ZNF562: variants seen among roughly 807,000 people sequenced by gnomAD.
ZNF562 encodes the protein zinc finger protein 562.
In ZNF562, 13 loss-of-function variants were observed where a neutral mutation model predicts 17.5. The observed-to-expected ratio is 0.74, with a 90% CI of 0.48 to 1.18. The LOEUF is 1.18. Ranked by LOEUF, ZNF562 falls within the 50% of genes most tolerant of loss-of-function variation. ZNF562 has a pLI of 0.00. For synonymous variants in ZNF562, 163 were observed against 165.4 expected, an observed-to-expected ratio of 0.99 and a Z score of 0.11; for missense variants, 481 against 498.5, an observed-to-expected ratio of 0.96 and a Z score of 0.33.
At position 9,653,855 on chromosome 19, in the gene ZNF562, T is replaced by A; in HGVS notation, c.375A>T (p.Lys125Asn). 1 of 1,592,000 alleles carries A rather than the reference T, an allele frequency of 6.3e-7. No individual in the cohort carries two copies. The highest frequency in any genetic ancestry group is 8.6e-7 in the Non-Finnish European group (1 of 1,169,576). ...AGACCTCTCCACAATTCTCACAGAG[T>A]TTCCATCCACTGTAGCTTCTTGTCT... ...QMQTRSYSGW[K>N]LCENCGEVFS... The change falls in exon 6 of 6, where the codon AAA becomes AAT. Residue 125 changes from lysine to asparagine, a missense_variant. This residue lies in a region of ZNF562 where 403 missense variants were observed against 386.4 expected (regional missense o/e 1.04). Transcript: ENST00000453372.
intron 2 of ZNF562, among the ~76,000 whole-genome samples, chr19:9,660,355 G>A (rs1466920384): frequency 1.3e-5 from 2 of 151,896 alleles, no homozygotes; most frequent in Non-Finnish European, 2.9e-5. Flanking sequence ...AGCCAGGCAC[G>A]GTGGCTCATG....
intron 1 of ZNF562, among the ~76,000 whole-genome samples, chr19:9,669,752 A>G (rs1019540696): frequency 2.7e-5 from 4 of 150,274 alleles, no homozygotes; most frequent in Admixed American, 2.0e-4. Flanking sequence ...ACACACACAC[A>G]CACACACACA....
chr19:9,667,471 C>T (rs957759201), intron 1 of ZNF562, among the ~76,000 whole-genome samples: 2 of 152,108 alleles, frequency 1.3e-5, no homozygotes, highest in Non-Finnish European at 2.9e-5. Context: ...CAAGGATGTC[C>T]ACTTTTACCA....
At chr19:9,669,708 A>AGCGCG (rs1568281408) in intron 1 of ZNF562, among the ~76,000 whole-genome samples, 6 of 140,150 alleles carry the variant, frequency 4.3e-5, no homozygotes, top group South Asian at 2.3e-4. Flanking sequence ...GTCTGCATGC[A>AGCGCG]CGCGCGCGAG....
intron 1 of ZNF562, among the ~76,000 whole-genome samples, chr19:9,674,404 A>G (rs1348485465): frequency 6.6e-6 from 1 of 152,194 alleles, no homozygotes; most frequent in Non-Finnish European, 1.5e-5. Flanking sequence ...TTTTAAAAAG[A>G]AATTTAAAAC....
chr19:9,643,545 AT>A lies in ZNF562; in HGVS notation c.*9403del, dbSNP rs1345958852. On this transcript the variant is annotated 3_prime_UTR_variant, in exon 6 of 6. Coordinates refer to ENST00000453372, the MANE Select transcript of ZNF562 (RefSeq NM_001130031.2). ...TTTTCTTATCAAGCAGTTGGAATTT[AT>A]TTGCTAATCCGTTCCTTCCTAGCTT... The A allele has an allele frequency of 1.4e-5, 2 of 147,426 alleles. No individual in the cohort carries two copies. Among genetic ancestry groups the A allele is most frequent in the Non-Finnish European group, 3.0e-5 (2 of 66,828 alleles). The allele number at this position is 147,426 out of a possible 1,614,324, so 9.1% of individuals were successfully genotyped here.
At chr19:9,666,604 A>G (rs2043968341) in intron 1 of ZNF562, among the ~76,000 whole-genome samples, 1 of 152,100 alleles carries the variant, frequency 6.6e-6, no homozygotes, top group Non-Finnish European at 1.5e-5. Context: ...AATAAAACAT[A>G]AAGTTGATTA....
Position 9,653,343 on chromosome 19 carries a change from G to A in ZNF562, c.887C>T (p.Ser296Phe). Residue 296 changes from serine (S) to phenylalanine (F), a missense_variant, in exon 6 of 6, where the codon TCC (serine) becomes TTC (phenylalanine). This residue lies in a region of ZNF562 where 403 missense variants were observed against 386.4 expected (regional missense o/e 1.04). Transcript: ENST00000453372. ...ATTAAAGGATGAGGAATTTCTAAAG[G>A]ATCTTCCACATTCTTTACATTCAAA... ...KSFECKECGRSFRNSSSFNVH... is the reference protein window; with the variant it reads ...KSFECKECGRFFRNSSSFNVH... 1 of 1,613,930 alleles carries A rather than the reference G, an allele frequency of 6.2e-7. No individual in the cohort carries two copies. Among genetic ancestry groups the A allele is most frequent in the Non-Finnish European group, 8.5e-7 (1 of 1,179,922 alleles).
chr19:9,653,372 C>T lies in ZNF562; in HGVS notation c.858G>A (p.Lys286=). Residue 286 remains lysine (K), a synonymous_variant, in exon 6 of 6, where the codon AAG becomes AAA. Transcript: ENST00000453372. ...SAHAKTHKGE[K]SFECKECGRS... ...TTCCACATTCTTTACATTCAAAGGA[C>T]TTCTCTCCTTTATGAGTTTTTGCAT... is the stretch of plus-strand genomic sequence containing the variant. 1 of 1,614,112 alleles carries T rather than the reference C, an allele frequency of 6.2e-7. No homozygotes were observed. Among genetic ancestry groups the T allele is most frequent in the Non-Finnish European group, 8.5e-7 (1 of 1,180,002 alleles).
intron 2 of ZNF562, among the ~76,000 whole-genome samples, chr19:9,660,124 C>T (rs1026849276): frequency 2.1e-5 from 3 of 143,468 alleles, no homozygotes; most frequent in Admixed American, 1.4e-4. Flanking sequence ...TTAGCTGAAC[C>T]TGGTGATGCA....
rs59673910 is a variant in ZNF562, at chr19:9,647,085, C to CT, written c.*5863dup. The CT allele has an allele frequency of 0.034, 4,266 of 126,644 alleles. 218 individuals carry two copies. Among genetic ancestry groups the CT allele is most frequent in the African/African-American group, 0.1 (3,569 of 34,732 alleles). The allele number at this position is 126,644 out of a possible 1,614,324, so 7.8% of individuals were successfully genotyped here. ...GAAGCACCGTGCCCAACCTAGTTGT[C>CT]TTTTTTTTTTTTTTTGAGACGGATT... On this transcript the variant is annotated 3_prime_UTR_variant, in exon 6 of 6. Transcript: ENST00000453372.
rs1488965026 is a variant in ZNF562 at position 9,648,719 on chromosome 19, T to C, written c.*4230A>G. 6.6e-6 allele frequency: 1 copy of C among 151,562 alleles called. No individual in the cohort carries two copies. The highest frequency in any genetic ancestry group is 1.5e-5 in the Non-Finnish European group (1 of 67,884). 9.4% of individuals were successfully genotyped at this position (151,562 alleles called of 1,614,324 possible). On this transcript the variant is annotated 3_prime_UTR_variant, in exon 6 of 6. Transcript: ENST00000453372. ...GGTCTTGCTATGTTGCCTAAGCTGG[T>C]CTAGAACCCCTGGGCTCAGGCCACC...
intron 4 of ZNF562, among the ~76,000 whole-genome samples, chr19:9,656,871 A>AAAATATATATATATATATATATATAT (rs376933513): frequency 1.4e-5 from 2 of 142,436 alleles, no homozygotes; most frequent in African/African-American, 5.2e-5. Flanking sequence ...AAAATACAAA[A>AAAATATATATATATATATATATATAT]ATATATATAT....
intron 1 of ZNF562, among the ~76,000 whole-genome samples, chr19:9,669,726 GCGCGCGCGCACACACACACA>G (rs1294657580): frequency 8.0e-4 from 68 of 85,082 alleles, no homozygotes; most frequent in African/African-American, 1.4e-3. Flanking sequence ...GAGCGCGCGC[GCGCGCGCGCACACACACACA>G]CACACACACA....
rs181824020 is a variant in ZNF562, at chr19:9,643,767, G to A, written c.*9182C>T. On this transcript the variant is annotated 3_prime_UTR_variant, in exon 6 of 6. Transcript: ENST00000453372. Reference sequence around the variant, plus strand: ...TCCTTTTGCCTCCTTTCAAAGTGTTGAGACTCCAGGCATAAGCCACTTTGC... The same window carrying A: ...TCCTTTTGCCTCCTTTCAAAGTGTTAAGACTCCAGGCATAAGCCACTTTGC... 8 of 151,966 alleles carry A rather than the reference G, an allele frequency of 5.3e-5. No homozygotes were observed. Among genetic ancestry groups the A allele is most frequent in the Non-Finnish European group, 1.2e-4 (8 of 67,966 alleles). The allele number at this position is 151,966 out of a possible 1,614,324, so 9.4% of individuals were successfully genotyped here. A position where few individuals can be genotyped will look rare whatever the true frequency, so the allele number is the denominator to read the frequency against.
rs1039100864 is a variant in ZNF562 at position 9,642,557 on chromosome 19, G to A, written c.*10392C>T. On this transcript the variant is annotated 3_prime_UTR_variant, in exon 6 of 6. Coordinates refer to ENST00000453372, the MANE Select transcript of ZNF562 (RefSeq NM_001130031.2). Reference sequence around the variant, plus strand: ...CTCCCACATTGTTGGCATTACAACTGTGAGCCACTCTGCTTGGCCCTTTAT... The same window carrying A: ...CTCCCACATTGTTGGCATTACAACTATGAGCCACTCTGCTTGGCCCTTTAT... 6.6e-6 allele frequency: 1 copy of A among 152,014 alleles called. No homozygotes were observed. Among genetic ancestry groups the A allele is most frequent in the Admixed American group, 6.6e-5 (1 of 15,238 alleles). 9.4% of individuals were successfully genotyped at this position (152,014 alleles called of 1,614,324 possible).
intron 1 of ZNF562, among the ~76,000 whole-genome samples, chr19:9,669,775 C>CACACAA (rs1482940755): frequency 6.7e-6 from 1 of 149,210 alleles, no homozygotes; most frequent in East Asian, 2.0e-4. Context: ...CACACACACA[C>CACACAA]AACCAGTCAG....
rs779053467 is a variant in ZNF562, at chr19:9,652,964, G to T, written c.1266C>A (p.His422Gln). The change falls in exon 6 of 6, where the codon CAC becomes CAA. Residue 422 changes from histidine (H) to glutamine (Q), a missense_variant. Physicochemically the swap from His to Gln is conservative, Grantham distance 24. This residue lies in a region of ZNF562 where 78 missense variants were observed against 112.0 expected (regional missense o/e 0.70). Transcript: ENST00000453372. ...SSHRSKHLKT[H>Q]SGER ...TATCTTGCATTTACCTTTCTCCACT[G>T]TGAGTTTTCAAATGTTTACTACGAT... is the stretch of plus-strand genomic sequence containing the variant. The T allele has an allele frequency of 6.7e-7, 1 of 1,499,796 alleles. No individual in the cohort carries two copies. The highest frequency in any genetic ancestry group is 8.9e-7 in the Non-Finnish European group (1 of 1,124,792). 92.9% of individuals were successfully genotyped at this position (1,499,796 alleles called of 1,614,324 possible).
chr19:9,668,154 T>C (rs1164589809), intron 1 of ZNF562, among the ~76,000 whole-genome samples: 2 of 151,978 alleles, frequency 1.3e-5, no homozygotes, highest in Non-Finnish European at 2.9e-5. Flanking sequence ...GGTGGAAGGA[T>C]TGCTTAAGCC....
Sources: gnomAD v4.1 joint callset for allele counts (sites outside exome capture counted in the v4.1 genomes callset) on GRCh38, gnomAD v4.1.1 for gene constraint, gnomAD v4.1.1 regional missense constraint, MANE v1.5 for transcripts, NCBI Gene and HGNC (gene_info 2026-07-23, HGNC 2026-07-21) for gene names.